FRY: variants seen among roughly 807,000 people sequenced by gnomAD.
FRY encodes FRY microtubule binding protein.
Under a neutral mutation model 348.4 loss-of-function variants are expected in FRY, and 128 were observed. The observed-to-expected ratio is 0.37, with a 90% CI of 0.32 to 0.43. The LOEUF (loss-of-function observed/expected upper bound fraction) is 0.43. FRY is among the 20% of genes least tolerant of loss of function. The pLI is 1.00. For synonymous variants in FRY, 1,370 were observed against 1,374.7 expected (o/e 1.00, Z 0.08); for missense variants, 2,736 against 3,695.2 (o/e 0.74, Z 6.73).
At chr13:32,087,129 T>G (rs1238958245) in intron 2 of FRY, among the ~76,000 whole-genome samples, 1 of 152,202 alleles carries the variant, frequency 6.6e-6, no homozygotes. Context: ...TTTCTTGGGG[T>G]ACACAGTCTG....
At chr13:32,294,595 G>T (rs572166749) in intron 60 of FRY, 25 bp downstream of exon 60, 1 of 1,566,762 alleles carries the variant, frequency 6.4e-7, no homozygotes. Context: ...TCTTTTAGAG[G>T]TGGTTGCAGG....
intron 43 of FRY, among the ~76,000 whole-genome samples, chr13:32,236,634 C>CT (rs201644751): frequency 1.3e-3 from 202 of 150,662 alleles, no homozygotes; most frequent in African/African-American, 4.5e-3. Context: ...ACCTCAGTAT[C>CT]TTTTTTTTTG....
intron 55 of FRY, among the ~76,000 whole-genome samples, chr13:32,269,372 G>A (rs918278583): frequency 6.6e-5 from 10 of 152,132 alleles, no homozygotes; most frequent in African/African-American, 2.4e-4. Context: ...ATGGGAAGGT[G>A]CCTCCTGCTT....
chr13:32,150,306 G>C (rs1880715658), intron 14 of FRY, among the ~76,000 whole-genome samples: 1 of 152,242 alleles, frequency 6.6e-6, no homozygotes, highest in South Asian at 2.1e-4. Flanking sequence ...GGCAGATTGT[G>C]GAGATGAGTA....
In FRY at chr13:32,295,748, G is replaced by T. The variant is rs898262516; in HGVS notation, c.*288G>T. 9 of 512,076 alleles carry T rather than the reference G, an allele frequency of 1.8e-5. No homozygotes were observed. The highest frequency in any genetic ancestry group is 3.8e-5 in the African/African-American group (2 of 52,270). 31.7% of individuals were successfully genotyped at this position (512,076 alleles called of 1,614,324 possible). A position where few individuals can be genotyped will look rare whatever the true frequency, so the allele number is the denominator to read the frequency against. On this transcript the variant is annotated 3_prime_UTR_variant, in exon 61 of 61. Transcript: ENST00000542859. ...ACTCGCTACTGAAGAAGTGACTTCC[G>T]TTGCATACCAAAGCCGACTACACTG...
chr13:32,202,788 A>G (rs1419504568), intron 31 of FRY, among the ~76,000 whole-genome samples: 1 of 152,064 alleles, frequency 6.6e-6, no homozygotes, highest in Non-Finnish European at 1.5e-5. Flanking sequence ...TGTCACTACT[A>G]AAAATACAAA....
At chr13:32,121,838 C>T (rs139823897) in intron 4 of FRY, among the ~76,000 whole-genome samples, 1 of 152,276 alleles carries the variant, frequency 6.6e-6, no homozygotes, top group Admixed American at 6.5e-5. Flanking sequence ...GGTTTTGGGT[C>T]ATGAAATCCT....
intron 3 of FRY, among the ~76,000 whole-genome samples, chr13:32,111,992 C>T (rs930037714): frequency 5.3e-5 from 8 of 152,220 alleles, no homozygotes; most frequent in Middle Eastern, 3.4e-3. Context: ...ATTTGCAAGG[C>T]GCCAGGCAAA....
At chr13:32,278,441 T>A (rs774230287) in intron 57 of FRY, 24 bp from the exon 58 acceptor site, 1 of 1,279,936 alleles carries the variant, frequency 7.8e-7, no homozygotes, top group East Asian at 2.3e-5. Flanking sequence ...AATTTACCTA[T>A]GTCTTTCCCT....
At chr13:32,218,941 T>A in intron 36 of FRY, 110 bp downstream of exon 36, 1 of 709,480 alleles carries the variant, frequency 1.4e-6, no homozygotes, top group Non-Finnish European at 2.6e-6. Context: ...CTATAGATAT[T>A]AAGTAACCAT....
rs1888660527 is a variant in FRY, at chr13:32,278,604, T to A, written c.8469+56T>A. 3 of 966,026 alleles carry A rather than the reference T, an allele frequency of 3.1e-6. No homozygotes were observed. The Admixed American group carries it at 5.1e-5, about 16-fold the overall frequency. 59.8% of individuals were successfully genotyped at this position (966,026 alleles called of 1,614,324 possible). On this transcript the variant is annotated intron_variant, in intron 58 of 60. Coordinates refer to ENST00000542859, the MANE Select transcript of FRY (RefSeq NM_023037.3). ...GTGTGCTCTAACATTGTGTATTAGT[T>A]TTGGTCTACCCAAGAAGCCTGGAAC...
chr13:32,270,455 C>G (rs545495819), intron 55 of FRY, among the ~76,000 whole-genome samples: 1 of 152,382 alleles, frequency 6.6e-6, no homozygotes, highest in African/African-American at 2.4e-5. Flanking sequence ...GATCCACCTG[C>G]CTTGGCTTCC....
At chr13:32,285,272 T>G (rs920690960) in intron 58 of FRY, among the ~76,000 whole-genome samples, 1 of 152,160 alleles carries the variant, frequency 6.6e-6, no homozygotes, top group Admixed American at 6.5e-5. Context: ...TTTTAATAAT[T>G]TCCATAAAAT....
At chr13:32,185,426 T>C (rs972118239) in intron 26 of FRY, among the ~76,000 whole-genome samples, 19 of 152,202 alleles carry the variant, frequency 1.2e-4, no homozygotes, top group Admixed American at 7.2e-4. Context: ...GTGATTTCCA[T>C]AGGAAGGAAG....
intron 3 of FRY, among the ~76,000 whole-genome samples, chr13:32,102,849 C>G (rs1190922797): frequency 6.6e-6 from 1 of 152,154 alleles, no homozygotes; most frequent in East Asian, 1.9e-4. Context: ...TCTTCAAAAA[C>G]CTCAGTTGGT....
At chr13:32,064,437 G>A (rs1464834542) in intron 1 of FRY, among the ~76,000 whole-genome samples, 1 of 150,664 alleles carries the variant, frequency 6.6e-6, no homozygotes, top group South Asian at 2.1e-4. Context: ...AGCAGCCATT[G>A]TAGCACTTCT....
At chr13:32,172,696 C>CT (rs1882162460) in intron 18 of FRY, among the ~76,000 whole-genome samples, 1 of 152,142 alleles carries the variant, frequency 6.6e-6, no homozygotes, top group Non-Finnish European at 1.5e-5. Flanking sequence ...TGGGGAACAG[C>CT]TGGGATTCCT....
Position 32,145,777 on chromosome 13 carries a change from C to T in FRY, c.1180-1505C>T, listed in dbSNP as rs576477948. 1.0e-3 allele frequency among the ~76,000 whole-genome samples: 154 copies of T among 151,736 alleles called. 1 individual carries two copies. The highest frequency in any genetic ancestry group is 3.6e-3 in the African/African-American group (150 of 41,402). On this transcript the variant is annotated intron_variant, in intron 11 of 60. Transcript: ENST00000542859. ...GCCAGGATGGTCTCGATCTCCTGAC[C>T]TCATGATCCACCCGCCTCGGCCTCC... is the stretch of plus-strand genomic sequence containing the variant.
chr13:32,079,074 C>A, intron 2 of FRY, 41 bp downstream of exon 2: 2 of 1,300,614 alleles, frequency 1.5e-6, no homozygotes, highest in Non-Finnish European at 2.2e-6. Context: ...GAAAATTCAT[C>A]TGTATGCTGA....
Sources: gnomAD v4.1 joint callset for allele counts (sites outside exome capture counted in the v4.1 genomes callset) on GRCh38, gnomAD v4.1.1 for gene constraint, MANE v1.5 for transcripts, NCBI Gene and HGNC (gene_info 2026-07-23, HGNC 2026-07-21) for gene names.